Variants in RSRC1 observed in about 807,000 individuals in gnomAD.
RSRC1 encodes serine/Arginine-related protein 53.
In RSRC1, 39 loss-of-function variants were observed where a neutral mutation model predicts 49.1. That is an observed-to-expected ratio of 0.79 (90% CI 0.61 to 1.04). The LOEUF is 1.04. Ranked by LOEUF, RSRC1 falls within the 50% of genes least tolerant of loss-of-function variation. RSRC1 has a pLI of 0.00. For synonymous variants in RSRC1, 143 were observed against 130.8 expected (o/e 1.09, Z -0.63); for missense variants, 388 against 402.4 (o/e 0.96, Z 0.31).
At chr3:158,359,300 G>A (rs778559452) in intron 6 of RSRC1, among the ~76,000 whole-genome samples, 8 of 152,106 alleles carry the variant, frequency 5.3e-5, no homozygotes, top group African/African-American at 1.2e-4. Flanking sequence ...CTGTAAGAGC[G>A]AAAGATAATA....
intron 4 of RSRC1, among the ~76,000 whole-genome samples, chr3:158,246,335 C>G (rs905174948): frequency 1.3e-5 from 2 of 150,902 alleles, no homozygotes; most frequent in African/African-American, 2.4e-5. Flanking sequence ...CAACATGGCA[C>G]ATGTATACAT....
intron 7 of RSRC1, among the ~76,000 whole-genome samples, chr3:158,533,115 G>A (rs1326363576): frequency 1.3e-5 from 2 of 151,730 alleles, no homozygotes; most frequent in African/African-American, 4.8e-5. Context: ...TCACTGACAT[G>A]AGAATTTTGA....
chr3:158,336,095 A>G (rs1729867734), intron 5 of RSRC1, among the ~76,000 whole-genome samples: 1 of 152,192 alleles, frequency 6.6e-6, no homozygotes, highest in African/African-American at 2.4e-5. Context: ...CACATCACTT[A>G]TCTTTGGGCA....
chr3:158,363,440 T>C (rs1323850608), intron 6 of RSRC1, among the ~76,000 whole-genome samples: 1 of 152,064 alleles, frequency 6.6e-6, no homozygotes, highest in Non-Finnish European at 1.5e-5. Context: ...ATTTTTTGTA[T>C]TTTTGGTGGA....
intron 4 of RSRC1, among the ~76,000 whole-genome samples, chr3:158,274,411 T>C (rs1159956926): frequency 6.6e-6 from 1 of 152,098 alleles, no homozygotes; most frequent in African/African-American, 2.4e-5. Flanking sequence ...TTTATTCCTT[T>C]AGTTGAACAA....
At chr3:158,305,827 GA>G (rs925457682) in intron 5 of RSRC1, among the ~76,000 whole-genome samples, 48 of 152,148 alleles carry the variant, frequency 3.2e-4, no homozygotes, top group African/African-American at 1.1e-3. Flanking sequence ...TTTACTGTGT[GA>G]CCTCTAGAAA....
In RSRC1 at chr3:158,540,669, C is replaced by T. The variant is rs186481718; in HGVS notation, c.760-2666C>T. On this transcript the variant is annotated intron_variant, in intron 8 of 9. Transcript: ENST00000611884. ...AATCCACAGCCACCATTTAAATCCA[C>T]ATCATCATCTCATTCTTTAACTTTT... Among the ~76,000 whole-genome samples, 9 of 152,258 alleles carry T rather than the reference C, an allele frequency of 5.9e-5. No homozygotes were observed. In the East Asian group the frequency reaches 1.5e-3, roughly 26 times the overall value.
intron 7 of RSRC1, among the ~76,000 whole-genome samples, chr3:158,509,148 G>A (rs969953670): frequency 3.9e-5 from 6 of 152,082 alleles, no homozygotes; most frequent in East Asian, 1.9e-4. Context: ...ATTTAGATCC[G>A]TGATCCATTT....
At chr3:158,198,999 A>C (rs1720850107) in intron 3 of RSRC1, among the ~76,000 whole-genome samples, 1 of 152,152 alleles carries the variant, frequency 6.6e-6, no homozygotes, top group Non-Finnish European at 1.5e-5. Flanking sequence ...CCCAAATCTC[A>C]TCTTGTAGCT....
intron 3 of RSRC1, among the ~76,000 whole-genome samples, chr3:158,200,556 T>C (rs914912809): frequency 1.3e-5 from 2 of 152,172 alleles, no homozygotes; most frequent in African/African-American, 2.4e-5. Context: ...TCCCTTCTTT[T>C]TTCTTTTTGC....
chr3:158,326,443 T>G (rs1004638814), intron 5 of RSRC1, among the ~76,000 whole-genome samples: 3 of 152,154 alleles, frequency 2.0e-5, no homozygotes, highest in African/African-American at 7.2e-5. Context: ...GCATGAGGCA[T>G]TGTTGAATTT....
chr3:158,372,383 T>C (rs1526190), intron 6 of RSRC1, among the ~76,000 whole-genome samples: 92,859 of 151,712 alleles, frequency 0.61, 29,283 homozygotes, highest in African/African-American at 0.75. Flanking sequence ...ATCTTATTAT[T>C]CCAGTGCCAT....
At chr3:158,435,072 G>A (rs1020015674) in intron 6 of RSRC1, among the ~76,000 whole-genome samples, 8 of 151,872 alleles carry the variant, frequency 5.3e-5, no homozygotes, top group Non-Finnish European at 1.2e-4. Context: ...AATAACTTGT[G>A]CCACACTTAT....
intron 7 of RSRC1, among the ~76,000 whole-genome samples, chr3:158,463,854 C>T (rs541146518): frequency 1.2e-3 from 189 of 152,246 alleles, no homozygotes; most frequent in Non-Finnish European, 1.6e-3. Context: ...CACTTCATGT[C>T]CTTATATAGT....
At chr3:158,152,068 C>A (rs1717573825) in intron 3 of RSRC1, among the ~76,000 whole-genome samples, 1 of 122,538 alleles carries the variant, frequency 8.2e-6, no homozygotes. Flanking sequence ...AAAATCATAT[C>A]TTATGGGCAA....
intron 7 of RSRC1, among the ~76,000 whole-genome samples, chr3:158,495,218 A>G (rs1739268162): frequency 6.6e-6 from 1 of 152,120 alleles, no homozygotes; most frequent in Non-Finnish European, 1.5e-5. Context: ...CACATTACAT[A>G]ATTTTCTTCA....
intron 7 of RSRC1, among the ~76,000 whole-genome samples, chr3:158,530,455 C>T (rs1712317537): frequency 6.6e-6 from 1 of 151,852 alleles, no homozygotes. Context: ...GCTCTATTTT[C>T]CTTGATATTA....
At chr3:158,526,636 A>T (rs58891024) in intron 7 of RSRC1, among the ~76,000 whole-genome samples, 1 of 151,782 alleles carries the variant, frequency 6.6e-6, no homozygotes, top group South Asian at 2.1e-4. Flanking sequence ...ATACATGTTA[A>T]CTAAATTAAT....
At chr3:158,329,565 A>G (rs1354329132) in intron 5 of RSRC1, among the ~76,000 whole-genome samples, 1 of 152,224 alleles carries the variant, frequency 6.6e-6, no homozygotes, top group Non-Finnish European at 1.5e-5. Flanking sequence ...ATTGCTGAAC[A>G]GCAAATGTTG....
Sources: gnomAD v4.1 joint callset for allele counts (sites outside exome capture counted in the v4.1 genomes callset) on GRCh38, gnomAD v4.1.1 for gene constraint, MANE v1.5 for transcripts, NCBI Gene and HGNC (gene_info 2026-07-23, HGNC 2026-07-21) for gene names.